Variants in ACOT12 observed in about 807,000 individuals in gnomAD.
The protein encoded by ACOT12 is acyl-CoA thioesterase 12, also known as acetyl-coenzyme A thioesterase.
A neutral mutation model predicts 67.7 loss-of-function variants in ACOT12; 51 were observed. The ratio of observed to expected loss-of-function variants is 0.75; its 90% confidence interval spans 0.60 to 0.95. The LOEUF is 0.95. Among genes scored for constraint, ACOT12 ranks in the 40% least tolerant of loss-of-function variants. ACOT12 has a pLI of 0.00. For missense variants in ACOT12, 734 were observed against 708.1 expected (o/e 1.04, Z -0.41); for synonymous variants, 251 against 244.6 (o/e 1.03, Z -0.24).
chr5:81,330,467 A>G lies in ACOT12; in HGVS notation c.1595T>C (p.Ile532Thr), dbSNP rs536125060. 3.5e-5 allele frequency: 56 copies of G among 1,614,168 alleles called. No homozygotes were observed. The Admixed American group carries it at 4.7e-4, about 13-fold the overall frequency. Residue 532 changes from isoleucine (I) to threonine (T), a missense_variant, in exon 15 of 15, where the codon ATT (isoleucine) becomes ACT (threonine). By Grantham distance (89) the Ile-to-Thr change is moderately conservative. Coordinates refer to ENST00000307624, the MANE Select transcript of ACOT12 (RefSeq NM_130767.3). ...TATACAAGAGGCTGCTGTTTCTTCA[A>G]TGGATTTTGACCAGCCACCAAGATT... is the stretch of plus-strand genomic sequence containing the variant. ...AGNLGGWSKS[I>T]EETAASCIQF...
At chr5:81,393,127 A>C (rs1205555616) in intron 1 of ACOT12, among the ~76,000 whole-genome samples, 4 of 152,304 alleles carry the variant, frequency 2.6e-5, no homozygotes, top group African/African-American at 9.6e-5. Flanking sequence ...AACACAGTGG[A>C]GTTTTCCAGA....
chr5:81,361,381 TG>T, intron 4 of ACOT12, among the ~76,000 whole-genome samples: 1 of 152,140 alleles, frequency 6.6e-6, no homozygotes, highest in East Asian at 1.9e-4. Flanking sequence ...ATTTATTTTT[TG>T]TAGAGATGAG....
Position 81,349,969 on chromosome 5 carries a change from G to A in ACOT12, c.497-2039C>T, listed in dbSNP as rs186860046. Among the ~76,000 whole-genome samples, 43 of 152,226 alleles carry A rather than the reference G, an allele frequency of 2.8e-4. No homozygotes were observed. In the Middle Eastern group the frequency reaches 0.01, roughly 36 times the overall value. On this transcript the variant is annotated intron_variant, in intron 5 of 14. Transcript: ENST00000307624. ...TGGTGGGTGTGGAAGAGTATCTCAC[G>A]TTGGTTATAATTTGCATTTTCCTGA... is the stretch of plus-strand genomic sequence containing the variant.
chr5:81,339,209 C>A (rs573126084), intron 11 of ACOT12, among the ~76,000 whole-genome samples: 1 of 152,162 alleles, frequency 6.6e-6, no homozygotes, highest in Non-Finnish European at 1.5e-5. Context: ...CCTAGGGGAG[C>A]CTTCATTTTC....
chr5:81,382,232 C>T (rs976235098), intron 2 of ACOT12, among the ~76,000 whole-genome samples: 2 of 152,072 alleles, frequency 1.3e-5, no homozygotes, highest in African/African-American at 2.4e-5. Context: ...AGGCCGAGAA[C>T]GAATGCCCAT....
At chr5:81,315,977 G>C in the ACOT12 span, among the ~76,000 whole-genome samples, 23 of 152,054 alleles carry the variant, frequency 1.5e-4, no homozygotes, top group Admixed American at 1.4e-3. Flanking sequence ...CTCCACGGGG[G>C]GTGGATTCTT....
chr5:81,308,679 C>T, the ACOT12 span: 100 of 1,612,968 alleles, frequency 6.2e-5, no homozygotes, highest in East Asian at 2.1e-3. Context: ...CACGAAATAA[C>T]CAAGTGTAAG....
intron 5 of ACOT12, among the ~76,000 whole-genome samples, chr5:81,358,567 G>C (rs879906356): frequency 9.2e-5 from 14 of 152,040 alleles, no homozygotes; most frequent in South Asian, 2.1e-4. Flanking sequence ...AACTTGGTCT[G>C]GGCTGGGCAC....
chr5:81,343,480 C>T (rs1759270638), intron 10 of ACOT12, among the ~76,000 whole-genome samples: 1 of 152,148 alleles, frequency 6.6e-6, no homozygotes, highest in African/African-American at 2.4e-5. Context: ...ATTCAAATGA[C>T]TACTACTTTG....
intron 12 of ACOT12, among the ~76,000 whole-genome samples, chr5:81,333,523 G>C (rs1482178345): frequency 6.6e-6 from 1 of 152,196 alleles, no homozygotes; most frequent in African/African-American, 2.4e-5. Context: ...AGAAAAGTTA[G>C]TTGGATTAGA....
intron 7 of ACOT12, among the ~76,000 whole-genome samples, chr5:81,345,422 TAGAC>T (rs1759350328): frequency 6.6e-6 from 1 of 151,998 alleles, no homozygotes; most frequent in Non-Finnish European, 1.5e-5. Context: ...ACACTGAAAT[TAGAC>T]AGGAAACACA....
At chr5:81,380,478 C>T (rs781122788) in intron 2 of ACOT12, among the ~76,000 whole-genome samples, 4 of 147,318 alleles carry the variant, frequency 2.7e-5, no homozygotes, top group Admixed American at 6.9e-5. Context: ...GCAGGAGAAT[C>T]GCTTGAACCT....
chr5:81,327,015 C>CT (rs1056214536), downstream of ACOT12, among the ~76,000 whole-genome samples: 3 of 152,024 alleles, frequency 2.0e-5, no homozygotes, highest in East Asian at 3.9e-4. Context: ...CATATATTTT[C>CT]TTTTTTTAAC....
At chr5:81,353,500 A>T (rs184459456) in intron 5 of ACOT12, among the ~76,000 whole-genome samples, 1 of 152,298 alleles carries the variant, frequency 6.6e-6, no homozygotes, top group Admixed American at 6.5e-5. Flanking sequence ...CTTTGACCTG[A>T]ATTGAGGTCA....
rs774109083 is a variant in ACOT12 at position 81,344,950 on chromosome 5, T to C, written c.865A>G (p.Asn289Asp). 10 of 1,614,040 alleles carry C rather than the reference T, an allele frequency of 6.2e-6. No homozygotes were observed. In the Admixed American group the frequency reaches 1.3e-4, roughly 22 times the overall value. ...AGATTTTCCTTATCATCAGCAGCAT[T>C]GTAAATGAGAAAAGCACTGTTGATG... ...RHINSAFLIY[N>D]AADDKENLIT... Residue 289 changes from asparagine (N) to aspartate (D), a missense_variant, in exon 8 of 15, where the codon AAT (asparagine) becomes GAT (aspartate). By Grantham distance (23) the Asn-to-Asp change is conservative (BLOSUM62 1). Transcript: ENST00000307624.
At chr5:81,314,217 G>A in the ACOT12 span, among the ~76,000 whole-genome samples, 9 of 152,024 alleles carry the variant, frequency 5.9e-5, no homozygotes, top group African/African-American at 2.2e-4. Context: ...CGATTCTCCT[G>A]CCTCAGCCTC....
chr5:81,312,275 T>C, the ACOT12 span, among the ~76,000 whole-genome samples: 1 of 152,238 alleles, frequency 6.6e-6, no homozygotes, highest in African/African-American at 2.4e-5. Context: ...TGATGAACTC[T>C]GGGAAAGAAT....
At chr5:81,325,180 G>A (rs148641238), downstream of ACOT12, among the ~76,000 whole-genome samples, 563 of 152,254 alleles carry the variant, frequency 3.7e-3, 5 homozygotes, top group African/African-American at 0.013. Context: ...AAGGCGCATG[G>A]ATGGGAATAG....
chr5:81,369,477 G>A (rs966562380), intron 3 of ACOT12, among the ~76,000 whole-genome samples: 3 of 152,142 alleles, frequency 2.0e-5, no homozygotes, highest in South Asian at 2.1e-4. Context: ...ATGTTTAGTT[G>A]GCATCTATAT....
Sources: allele counts gnomAD v4.1 joint callset (sites outside exome capture counted in the v4.1 genomes callset), GRCh38; gene constraint gnomAD v4.1.1; transcripts MANE v1.5; gene names NCBI Gene and HGNC (gene_info 2026-07-23, HGNC 2026-07-21).